The following MEOX1 variants were observed in gnomAD, a reference collection of about 807,000 sequenced individuals.
MEOX1 encodes mesenchyme homeobox 1.
A neutral mutation model predicts 23.2 loss-of-function variants in MEOX1; 17 were observed. The ratio of observed to expected loss-of-function variants is 0.73; its 90% CI spans 0.50 to 1.10. The LOEUF (loss-of-function observed/expected upper bound fraction) is 1.10. MEOX1 is among the 50% of genes least tolerant of loss of function. MEOX1 has a pLI of 0.00. For synonymous variants in MEOX1, 134 were observed against 135.1 expected (o/e 0.99, Z 0.06); for missense variants, 333 against 332.2 (o/e 1.00, Z -0.02).
intron 1 of MEOX1, among the ~76,000 whole-genome samples, chr17:43,648,489 G>T (rs1182388571): frequency 6.7e-6 from 1 of 149,000 alleles, no homozygotes; most frequent in Non-Finnish European, 1.5e-5. Flanking sequence ...AAAAAGAAAA[G>T]AAAAAGAAAC....
chr17:43,643,463 G>A (rs746582127), intron 2 of MEOX1, 25 bp downstream of exon 2: 19 of 1,544,272 alleles, frequency 1.2e-5, no homozygotes, highest in Middle Eastern at 1.8e-4. Flanking sequence ...GAGCAAAGAA[G>A]AGGAGGGGCC....
chr17:43,653,185 G>C (rs566189130), intron 1 of MEOX1, among the ~76,000 whole-genome samples: 1 of 140,918 alleles, frequency 7.1e-6, no homozygotes, highest in South Asian at 2.2e-4. Flanking sequence ...TGTCTCCCCA[G>C]CTGGAGTGCA....
chr17:43,660,372 C>T (rs949444009), intron 1 of MEOX1, among the ~76,000 whole-genome samples: 1 of 152,254 alleles, frequency 6.6e-6, no homozygotes, highest in Non-Finnish European at 1.5e-5. Flanking sequence ...CTTGCAGCTC[C>T]TTGCGGGGCT....
intron 1 of MEOX1, among the ~76,000 whole-genome samples, chr17:43,657,046 C>CT (rs1555567848): frequency 2.2e-5 from 3 of 136,304 alleles, no homozygotes; most frequent in East Asian, 2.1e-4. Flanking sequence ...TTCTTTCTTT[C>CT]TTTCTTTCTT....
chr17:43,655,288 T>C (rs1320972901), intron 1 of MEOX1, among the ~76,000 whole-genome samples: 1 of 150,956 alleles, frequency 6.6e-6, no homozygotes, highest in Non-Finnish European at 1.5e-5. Context: ...CTGGCCAACA[T>C]GGTGAAACCC....
At chr17:43,649,812 G>A (rs906328139) in intron 1 of MEOX1, among the ~76,000 whole-genome samples, 4 of 152,178 alleles carry the variant, frequency 2.6e-5, no homozygotes, top group Non-Finnish European at 5.9e-5. Context: ...CCCCTGCATA[G>A]CCCTCACCCT....
Position 43,646,166 on chromosome 17 carries a change from G to A in MEOX1, c.470-2506C>T, listed in dbSNP as rs1972808475. Among the ~76,000 whole-genome samples the A allele has an allele frequency of 3.9e-5, 6 of 152,260 alleles. No individual in the cohort carries two copies. In the South Asian group the frequency reaches 1.2e-3, roughly 32 times the overall value. ...AGTTCCTGGCGCGGGCTGCCTGCCC[G>A]GCGGCCTCTGGCTCCAGGCCGGAGA... On this transcript the variant is annotated intron_variant, in intron 1 of 2. Coordinates refer to ENST00000318579, the MANE Select transcript of MEOX1 (RefSeq NM_004527.4).
intron 1 of MEOX1, among the ~76,000 whole-genome samples, chr17:43,655,660 T>TAAAAAA (rs57762377): frequency 1.3e-5 from 1 of 75,598 alleles, no homozygotes; most frequent in Non-Finnish European, 2.3e-5. Flanking sequence ...CCTGTCTTTC[T>TAAAAAA]AAAAAAAAAA....
chr17:43,647,409 C>T (rs1329966251), intron 1 of MEOX1, among the ~76,000 whole-genome samples: 1 of 152,106 alleles, frequency 6.6e-6, no homozygotes, highest in Non-Finnish European at 1.5e-5. Context: ...TCAGACAGGC[C>T]CAGGAAATTG....
In MEOX1 at chr17:43,661,196, G is replaced by C; in HGVS notation, c.339C>G (p.Ser113=). 1 of 1,607,430 alleles carries C rather than the reference G, an allele frequency of 6.2e-7. No homozygotes were observed. The highest frequency in any genetic ancestry group is 1.3e-5 in the African/African-American group (1 of 74,932). ...CCAGGCTGCTGGTCCCCATTTCCTTGGAACCCCCTGCCGGGCCTGAGTTGG... is the reference window on the plus strand; with the variant it reads ...CCAGGCTGCTGGTCCCCATTTCCTTCGAACCCCCTGCCGGGCCTGAGTTGG... ...RRPNSGPAGG[S]KEMGTSSLGL... The change falls in exon 1 of 3, where the codon TCC becomes TCG. Residue 113 remains serine (S), a synonymous_variant. Transcript: ENST00000318579.
intron 2 of MEOX1, among the ~76,000 whole-genome samples, chr17:43,643,256 A>AGCGG (rs1972732375): frequency 6.6e-6 from 1 of 152,176 alleles, no homozygotes; most frequent in African/African-American, 2.4e-5. Flanking sequence ...AGGTTACAGT[A>AGCGG]AGATCGCGCC....
At chr17:43,642,262 G>A (rs1459260982) in intron 2 of MEOX1, among the ~76,000 whole-genome samples, 4 of 152,162 alleles carry the variant, frequency 2.6e-5, no homozygotes, top group African/African-American at 9.7e-5. Context: ...GGGGGAACAT[G>A]TTCTAAAAGC....
intron 1 of MEOX1, among the ~76,000 whole-genome samples, chr17:43,656,695 C>T (rs769141115): frequency 1.3e-5 from 2 of 152,156 alleles, no homozygotes; most frequent in South Asian, 2.1e-4. Context: ...GGCGGGCGAT[C>T]GGATTCACCT....
chr17:43,644,913 C>G (rs2154588786), intron 1 of MEOX1, among the ~76,000 whole-genome samples: 1 of 151,904 alleles, frequency 6.6e-6, no homozygotes, highest in Non-Finnish European at 1.5e-5. Flanking sequence ...AAGACTACGT[C>G]TTGAAAAAAA....
intron 1 of MEOX1, among the ~76,000 whole-genome samples, chr17:43,658,246 G>A (rs1387746472): frequency 1.3e-5 from 2 of 152,340 alleles, no homozygotes; most frequent in Non-Finnish European, 2.9e-5. Context: ...GGCCGGGCAC[G>A]GTGGCGCATG....
chr17:43,656,038 C>G (rs1378130180), intron 1 of MEOX1, among the ~76,000 whole-genome samples: 1 of 152,012 alleles, frequency 6.6e-6, no homozygotes, highest in Non-Finnish European at 1.5e-5. Context: ...ATAAGATGTC[C>G]CAGGTAAGAA....
chr17:43,658,205 C>T (rs933800556), intron 1 of MEOX1, among the ~76,000 whole-genome samples: 2 of 152,236 alleles, frequency 1.3e-5, no homozygotes, highest in African/African-American at 2.4e-5. Flanking sequence ...CCCAACCCCT[C>T]TGTAGTCAAG....
chr17:43,649,617 T>C (rs546719508), intron 1 of MEOX1, among the ~76,000 whole-genome samples: 40 of 152,304 alleles, frequency 2.6e-4, no homozygotes, highest in African/African-American at 9.4e-4. Context: ...TAGGCCACTA[T>C]TGCTGCAGCC....
At chr17:43,657,888 C>T (rs527949856) in intron 1 of MEOX1, among the ~76,000 whole-genome samples, 1 of 152,324 alleles carries the variant, frequency 6.6e-6, no homozygotes, top group South Asian at 2.1e-4. Context: ...TTTACAGCTG[C>T]TATTTATTGA....
Sources: allele counts gnomAD v4.1 joint callset (sites outside exome capture counted in the v4.1 genomes callset), GRCh38; gene constraint gnomAD v4.1.1; transcripts MANE v1.5; gene names NCBI Gene and HGNC (gene_info 2026-07-23, HGNC 2026-07-21).